Variants in DROSHA observed in about 807,000 individuals in gnomAD.
DROSHA encodes the protein drosha ribonuclease III.
In DROSHA, 56 loss-of-function variants were observed where a neutral mutation model predicts 181.9. The ratio of observed to expected loss-of-function variants is 0.31; its 90% CI spans 0.25 to 0.38. The LOEUF (loss-of-function observed/expected upper bound fraction) is 0.38, where lower values mean the gene tolerates loss of function less well. Ranked by LOEUF, DROSHA falls within the 10% of genes least tolerant of loss-of-function variation. The pLI, the probability that DROSHA is intolerant of heterozygous loss-of-function variation, is 1.00. For synonymous variants in DROSHA, 524 were observed against 591.2 expected (o/e 0.89, Z 1.65); for missense variants, 1,218 against 1,743.5 (o/e 0.70, Z 5.37).
chr5:31,479,574 T>TA (rs1750779074), intron 16 of DROSHA, among the ~76,000 whole-genome samples: 1 of 152,100 alleles, frequency 6.6e-6, no homozygotes, highest in Non-Finnish European at 1.5e-5. Context: ...CAAAAAGCTC[T>TA]AATCATAAAG....
chr5:31,457,885 C>G (rs930476411), intron 20 of DROSHA, among the ~76,000 whole-genome samples: 4 of 152,070 alleles, frequency 2.6e-5, no homozygotes, highest in South Asian at 4.1e-4. Flanking sequence ...ACAGCAAGAC[C>G]CTGACTCAAT....
At chr5:31,437,527 C>G (rs796220771) in intron 23 of DROSHA, among the ~76,000 whole-genome samples, 1 of 152,046 alleles carries the variant, frequency 6.6e-6, no homozygotes, top group African/African-American at 2.4e-5. Flanking sequence ...GTCAGGCTTT[C>G]TACCAGGGGG....
At chr5:31,416,347 C>G (rs1016240474) in intron 30 of DROSHA, among the ~76,000 whole-genome samples, 5 of 152,224 alleles carry the variant, frequency 3.3e-5, no homozygotes, top group African/African-American at 1.2e-4. Context: ...TCCCTCTTGA[C>G]TTAGCTGACT....
At chr5:31,476,170 C>A (rs1314421840) in intron 16 of DROSHA, among the ~76,000 whole-genome samples, 5 of 152,086 alleles carry the variant, frequency 3.3e-5, no homozygotes, top group Non-Finnish European at 4.4e-5. Flanking sequence ...TTCGAGACCA[C>A]CCTGGCCAAC....
At chr5:31,402,596 T>C (rs1382555688) in intron 35 of DROSHA, among the ~76,000 whole-genome samples, 1 of 152,206 alleles carries the variant, frequency 6.6e-6, no homozygotes, top group Non-Finnish European at 1.5e-5. Context: ...GCTTTAGGCA[T>C]CCACTGGGGT....
intron 20 of DROSHA, among the ~76,000 whole-genome samples, chr5:31,457,123 CTTTTTTTTT>C (rs5867080): frequency 7.1e-4 from 70 of 99,122 alleles, no homozygotes; most frequent in African/African-American, 2.7e-3. Context: ...GAAATTAAGC[CTTTTTTTTT>C]TTTTTTTTTT....
chr5:31,510,651 C>T (rs11958935), intron 9 of DROSHA, among the ~76,000 whole-genome samples: 89,683 of 152,134 alleles, frequency 0.59, 26,509 homozygotes, highest in African/African-American at 0.64. Context: ...AGCTGGGGTA[C>T]AGTCGCTGTT....
chr5:31,509,641 G>A (rs940668576), intron 9 of DROSHA, among the ~76,000 whole-genome samples: 1 of 152,226 alleles, frequency 6.6e-6, no homozygotes, highest in African/African-American at 2.4e-5. Flanking sequence ...GGAGTGCTGG[G>A]AATGCCACAG....
At chr5:31,407,267 A>G (rs1304473778) in intron 33 of DROSHA, among the ~76,000 whole-genome samples, 2 of 152,216 alleles carry the variant, frequency 1.3e-5, no homozygotes, top group African/African-American at 4.8e-5. Flanking sequence ...ATATTCACAA[A>G]CTTTTATCAT....
At chr5:31,509,809 A>G (rs1738457778) in intron 9 of DROSHA, among the ~76,000 whole-genome samples, 1 of 152,254 alleles carries the variant, frequency 6.6e-6, no homozygotes. Flanking sequence ...ACATGATTCC[A>G]CATATATGAG....
At chr5:31,484,156 G>C (rs1045056888) in intron 15 of DROSHA, among the ~76,000 whole-genome samples, 28 of 152,122 alleles carry the variant, frequency 1.8e-4, no homozygotes, top group African/African-American at 6.7e-4. Context: ...CGGATCACGA[G>C]GTCAGGATAT....
intron 23 of DROSHA, among the ~76,000 whole-genome samples, chr5:31,446,136 C>G (rs867186585): frequency 6.6e-6 from 1 of 152,096 alleles, no homozygotes; most frequent in African/African-American, 2.4e-5. Flanking sequence ...AATGAACAAC[C>G]TGAAAATGAA....
At chr5:31,464,709 A>G (rs1252965266) in intron 19 of DROSHA, among the ~76,000 whole-genome samples, 1 of 151,896 alleles carries the variant, frequency 6.6e-6, no homozygotes, top group Non-Finnish European at 1.5e-5. Flanking sequence ...TACCTCTAAG[A>G]AAGAAAGCAA....
At chr5:31,445,331 C>A (rs1013478818) in intron 23 of DROSHA, among the ~76,000 whole-genome samples, 1 of 152,174 alleles carries the variant, frequency 6.6e-6, no homozygotes, top group Non-Finnish European at 1.5e-5. Flanking sequence ...CCATTCCATT[C>A]CCAGATTCTT....
At chr5:31,461,254 A>G (rs976864143) in intron 20 of DROSHA, among the ~76,000 whole-genome samples, 2 of 152,342 alleles carry the variant, frequency 1.3e-5, no homozygotes, top group South Asian at 2.1e-4. Context: ...AAAAATTCAA[A>G]CAAAATATAT....
chr5:31,425,459 G>T (rs1490660228), intron 27 of DROSHA, among the ~76,000 whole-genome samples: 2 of 151,984 alleles, frequency 1.3e-5, no homozygotes, highest in Non-Finnish European at 2.9e-5. Flanking sequence ...TATATTGATT[G>T]TTCTTACCTT....
chr5:31,468,095 A>G lies in DROSHA; in HGVS notation c.2242-32T>C, dbSNP rs371695942. The G allele has an allele frequency of 1.1e-4, 176 of 1,595,606 alleles. 1 individual carries two copies. The highest frequency in any genetic ancestry group is 8.1e-4 in the South Asian group (71 of 88,128). On this transcript the variant is annotated intron_variant, in intron 17 of 35. Transcript: ENST00000344624. ...AGAAAAATCAAAGCCATTTATTCCC[A>G]TAAGAAGTCTTTATGTATTGACTTT...
At chr5:31,505,054 A>G (rs1283716265) in intron 10 of DROSHA, among the ~76,000 whole-genome samples, 1 of 152,214 alleles carries the variant, frequency 6.6e-6, no homozygotes, top group African/African-American at 2.4e-5. Flanking sequence ...TTTCAAAAAG[A>G]GAAACTGTAA....
At chr5:31,449,592 T>C (rs1023476105) in intron 21 of DROSHA, among the ~76,000 whole-genome samples, 173 bp from the exon 22 acceptor site, 8 of 152,102 alleles carry the variant, frequency 5.3e-5, no homozygotes, top group Non-Finnish European at 1.0e-4. Context: ...GCTGGTGTGG[T>C]GGCACCTGAC....
Sources: gnomAD v4.1 joint callset for allele counts (sites outside exome capture counted in the v4.1 genomes callset) on GRCh38, gnomAD v4.1.1 for gene constraint, MANE v1.5 for transcripts, NCBI Gene and HGNC (gene_info 2026-07-23, HGNC 2026-07-21) for gene names.